The following CXCL12 variants were observed in gnomAD, a reference collection of about 807,000 sequenced individuals.
CXCL12 encodes the protein C-X-C motif chemokine ligand 12.
CXCL12 carries 4 observed loss-of-function variants against 10.7 expected under a neutral mutation model. The observed-to-expected ratio is 0.37, with a 90% confidence interval of 0.18 to 0.86. The LOEUF is 0.86. Among genes scored for constraint, CXCL12 ranks in the 40% least tolerant of loss-of-function variants. The pLI, the probability that CXCL12 is intolerant of heterozygous loss-of-function variation, is 0.43. For missense variants in CXCL12, 122 were observed against 110.4 expected (o/e 1.10, Z -0.47); for synonymous variants, 54 against 45.4 (o/e 1.19, Z -0.77).
chr10:44,377,778 A>T lies in CXCL12; in HGVS notation c.*855T>A, dbSNP rs1237361151. ...ACATCCCCAGGAGAGGGCCAGCTCC[A>T]TTCTGGAGGAGGCCAAAGACGGATC... On this transcript the variant is annotated 3_prime_UTR_variant, in exon 3 of 3. Transcript: ENST00000343575. The T allele has an allele frequency of 6.3e-7, 1 of 1,598,186 alleles. No individual in the cohort carries two copies. Among genetic ancestry groups the T allele is most frequent in the African/African-American group, 1.3e-5 (1 of 74,930 alleles).
downstream of CXCL12, chr10:44,376,063 T>A (rs972756808): frequency 1.2e-6 from 2 of 1,605,030 alleles, no homozygotes; most frequent in Non-Finnish European, 1.7e-6. Context: ...CCATTAATAA[T>A]GTGGAAATAA....
Position 44,378,554 on chromosome 10 carries a change from G to A in CXCL12, c.*79C>T, listed in dbSNP as rs927033855. The A allele has an allele frequency of 6.3e-5, 101 of 1,605,416 alleles. No homozygotes were observed. The African/African-American group carries it at 8.0e-4, about 13-fold the overall frequency. ...TCATGGTTAAGGCCCCCTCCCCCACGTCTTTGCCCTTTCATCTCTCACAAG... is the reference window on the plus strand; with the variant it reads ...TCATGGTTAAGGCCCCCTCCCCCACATCTTTGCCCTTTCATCTCTCACAAG... On this transcript the variant is annotated 3_prime_UTR_variant, in exon 3 of 3. Coordinates refer to ENST00000343575, the MANE Select transcript of CXCL12 (RefSeq NM_199168.4).
chr10:44,375,696 C>A (rs1207976218), downstream of CXCL12, among the ~76,000 whole-genome samples: 1 of 152,242 alleles, frequency 6.6e-6, no homozygotes, highest in African/African-American at 2.4e-5. Context: ...GGCTCCGCGT[C>A]ACAGACCCCC....
At position 44,377,352 on chromosome 10, in the gene CXCL12, G is replaced by A; in HGVS notation, c.*1281C>T. On this transcript the variant is annotated 3_prime_UTR_variant, in exon 3 of 3. Transcript: ENST00000343575. The stretch of plus-strand genomic sequence containing the variant: ...TCCACTTCAAATATATGAATTGTTC[G>A]ACTATAAATATATTTTGAAATACAT... The A allele has an allele frequency of 5.7e-6, 6 of 1,045,940 alleles. No individual in the cohort carries two copies. The highest frequency in any genetic ancestry group is 6.9e-6 in the Non-Finnish European group (6 of 866,442). The allele number at this position is 1,045,940 out of a possible 1,614,324, so 64.8% of individuals were successfully genotyped here. A position where few individuals can be genotyped will look rare whatever the true frequency, so the allele number is the denominator to read the frequency against.
rs1315878793 is a variant in CXCL12, at chr10:44,378,168, T to A, written c.*465A>T. On this transcript the variant is annotated 3_prime_UTR_variant, in exon 3 of 3. Coordinates refer to ENST00000343575, the MANE Select transcript of CXCL12 (RefSeq NM_199168.4). Reference sequence around the variant, plus strand: ...CCTCAGTGTCTGAAGAAAGGACACTTTTTCCAGCTCCCTGTTAAGCCACCA... The same window carrying A: ...CCTCAGTGTCTGAAGAAAGGACACTATTTCCAGCTCCCTGTTAAGCCACCA... 93 of 1,418,536 alleles carry A rather than the reference T, an allele frequency of 6.6e-5. No homozygotes were observed. Among genetic ancestry groups the A allele is most frequent in the Non-Finnish European group, 7.7e-5 (84 of 1,085,040 alleles). 87.9% of individuals were successfully genotyped at this position (1,418,536 alleles called of 1,614,324 possible). A position where few individuals can be genotyped will look rare whatever the true frequency, so the allele number is the denominator to read the frequency against.
chr10:44,384,672 T>C (rs1654855713), intron 1 of CXCL12, among the ~76,000 whole-genome samples: 1 of 152,218 alleles, frequency 6.6e-6, no homozygotes, highest in African/African-American at 2.4e-5. Context: ...CCGAACGCTC[T>C]CTTGGGGCGT....
rs756986633 is a variant in CXCL12, at chr10:44,377,952, C to T, written c.*681G>A. ...GCAAGATTAAGCATGCTCTCGGAGTCGGGGAGAGAGTAGGAATAGCTGGGA... is the reference window on the plus strand; with the variant it reads ...GCAAGATTAAGCATGCTCTCGGAGTTGGGGAGAGAGTAGGAATAGCTGGGA... On this transcript the variant is annotated 3_prime_UTR_variant, in exon 3 of 3. Transcript: ENST00000343575. 5.2e-6 allele frequency: 8 copies of T among 1,528,884 alleles called. No homozygotes were observed. The highest frequency in any genetic ancestry group is 1.2e-5 in the South Asian group (1 of 82,786). 94.7% of individuals were successfully genotyped at this position (1,528,884 alleles called of 1,614,324 possible). A position where few individuals can be genotyped will look rare whatever the true frequency, so the allele number is the denominator to read the frequency against.
At chr10:44,373,904 G>A (rs17883113), downstream of CXCL12, among the ~76,000 whole-genome samples, 498 of 152,264 alleles carry the variant, frequency 3.3e-3, 5 homozygotes, top group Middle Eastern at 0.01. Context: ...TGACCATAGC[G>A]CACCCCTCAT....
rs1279868894 is a variant in CXCL12 at position 44,378,166 on chromosome 10, CTT to C, written c.*465_*466del. 10 of 1,418,056 alleles carry C rather than the reference CTT, an allele frequency of 7.1e-6. No homozygotes were observed. Among genetic ancestry groups the C allele is most frequent in the Non-Finnish European group, 8.3e-6 (9 of 1,084,902 alleles). 87.8% of individuals were successfully genotyped at this position (1,418,056 alleles called of 1,614,324 possible). A position where few individuals can be genotyped will look rare whatever the true frequency, so the allele number is the denominator to read the frequency against. On this transcript the variant is annotated 3_prime_UTR_variant, in exon 3 of 3. Transcript: ENST00000343575. Reference sequence around the variant, plus strand: ...AGCCTCAGTGTCTGAAGAAAGGACACTTTTTCCAGCTCCCTGTTAAGCCACCA... The same window carrying C: ...AGCCTCAGTGTCTGAAGAAAGGACACTTTCCAGCTCCCTGTTAAGCCACCA...
At chr10:44,381,668 G>T (rs1440649281) in intron 1 of CXCL12, among the ~76,000 whole-genome samples, 1 of 152,212 alleles carries the variant, frequency 6.6e-6, no homozygotes, top group African/African-American at 2.4e-5. Context: ...TTAGCAAGGG[G>T]CTCCTGCAGA....
chr10:44,380,929 G>A, intron 1 of CXCL12, 49 bp from the exon 2 acceptor site: 1 of 1,469,826 alleles, frequency 6.8e-7, no homozygotes. Context: ...GCCAGATTTT[G>A]GTAATGTGTG....
chr10:44,374,794 G>A, downstream of CXCL12: 1 of 409,964 alleles, frequency 2.4e-6, no homozygotes, highest in Non-Finnish European at 4.9e-6. Context: ...CCAGGATCCG[G>A]GTGCAGGGTG....
chr10:44,375,929 T>A (rs1183768921), downstream of CXCL12: 2 of 1,611,044 alleles, frequency 1.2e-6, no homozygotes, highest in East Asian at 4.5e-5. Context: ...CATCTCGAGG[T>A]GGCAGATAAC....
At position 44,378,585 on chromosome 10, in the gene CXCL12, A is replaced by G; in HGVS notation, c.*48T>C. On this transcript the variant is annotated 3_prime_UTR_variant, in exon 3 of 3. Coordinates refer to ENST00000343575, the MANE Select transcript of CXCL12 (RefSeq NM_199168.4). ...GCCCTTTCATCTCTCACAAGGTTTT[A>G]GTTTTCCTCGAGTGGGTCTAGCGGA... 1 of 1,613,098 alleles carries G rather than the reference A, an allele frequency of 6.2e-7. No homozygotes were observed. The highest frequency in any genetic ancestry group is 8.5e-7 in the Non-Finnish European group (1 of 1,179,416).
rs1588898018 is a variant in CXCL12 at position 44,377,525 on chromosome 10, T to C, written c.*1108A>G. The C allele has an allele frequency of 1.4e-6, 2 of 1,412,318 alleles. No homozygotes were observed. The highest frequency in any genetic ancestry group is 1.5e-5 in the South Asian group (1 of 66,302). The allele number at this position is 1,412,318 out of a possible 1,614,324, so 87.5% of individuals were successfully genotyped here. On this transcript the variant is annotated 3_prime_UTR_variant, in exon 3 of 3. Transcript: ENST00000343575. Reference sequence around the variant, plus strand: ...CTTGCCAACAGTTCTGATTGGAACCTGAAACCCTGCTGTGGCTTCAGGAGG... The same window carrying C: ...CTTGCCAACAGTTCTGATTGGAACCCGAAACCCTGCTGTGGCTTCAGGAGG...
downstream of CXCL12, chr10:44,372,020 C>T (rs1839328327): frequency 6.6e-6 from 1 of 152,246 alleles, no homozygotes; most frequent in Non-Finnish European, 1.5e-5. Flanking sequence ...GGGCCCGAAG[C>T]ACAGGTGACA....
downstream of CXCL12, among the ~76,000 whole-genome samples, chr10:44,376,359 G>T (rs1204834349): frequency 6.6e-6 from 1 of 152,304 alleles, no homozygotes; most frequent in East Asian, 1.9e-4. Context: ...TGGCCATCGT[G>T]GTCCTTGTCA....
At chr10:44,376,124 G>C (rs548994243), downstream of CXCL12, 7 of 1,383,598 alleles carry the variant, frequency 5.1e-6, no homozygotes, top group African/African-American at 1.0e-4. Flanking sequence ...CCGTGTACTG[G>C]TTAAACTGTG....
At chr10:44,379,911 A>G (rs1020366901) in intron 2 of CXCL12, among the ~76,000 whole-genome samples, 2 of 152,228 alleles carry the variant, frequency 1.3e-5, no homozygotes, top group African/African-American at 4.8e-5. Flanking sequence ...TCAAAACTAA[A>G]AACAGTTTTC....
Sources: gnomAD v4.1 joint callset for allele counts (sites outside exome capture counted in the v4.1 genomes callset) on GRCh38, gnomAD v4.1.1 for gene constraint, MANE v1.5 for transcripts, NCBI Gene and HGNC (gene_info 2026-07-23, HGNC 2026-07-21) for gene names.